SGCD: variants seen among roughly 807,000 people sequenced by gnomAD.
The protein encoded by SGCD is delta-sarcoglycan.
Under a neutral mutation model 36.6 loss-of-function variants are expected in SGCD, and 18 were observed. The observed-to-expected ratio is 0.49, with a 90% CI of 0.34 to 0.73. SGCD has a LOEUF of 0.73. Among genes scored for constraint, SGCD ranks in the 30% least tolerant of loss-of-function variants. The pLI, the probability that SGCD is intolerant of heterozygous loss-of-function variation, is 0.01. For missense variants in SGCD, 387 were observed against 346.7 expected, an observed-to-expected ratio of 1.12 and a Z score of -0.92; for synonymous variants, 133 against 130.6, an observed-to-expected ratio of 1.02 and a Z score of -0.12.
At chr5:155,934,374 G>C (rs975076784) in intron 1 of SGCD, among the ~76,000 whole-genome samples, 1 of 152,192 alleles carries the variant, frequency 6.6e-6, no homozygotes, top group Admixed American at 6.5e-5. Context: ...CCTTTTTAAC[G>C]ATCTTTTTTT....
chr5:156,383,469 A>G (rs188923340), intron 3 of SGCD, among the ~76,000 whole-genome samples: 186 of 152,256 alleles, frequency 1.2e-3, no homozygotes, highest in African/African-American at 4.1e-3. Flanking sequence ...GCGCCACTGC[A>G]TTCCAGCCTG....
intron 3 of SGCD, among the ~76,000 whole-genome samples, chr5:156,246,294 A>G (rs1415100837): frequency 6.6e-6 from 1 of 152,220 alleles, no homozygotes; most frequent in East Asian, 1.9e-4. Context: ...CTGTAGTTCC[A>G]TAAAATCAGC....
intron 3 of SGCD, among the ~76,000 whole-genome samples, chr5:156,256,487 G>C (rs188191101): frequency 6.6e-6 from 1 of 152,216 alleles, no homozygotes; most frequent in Non-Finnish European, 1.5e-5. Context: ...AAAGCATCCA[G>C]TTGTCGCATC....
chr5:156,169,668 C>G (rs1219073811), intron 3 of SGCD, among the ~76,000 whole-genome samples: 1 of 152,082 alleles, frequency 6.6e-6, no homozygotes, highest in African/African-American at 2.4e-5. Flanking sequence ...TATTTCAGAT[C>G]AAGTAAACAG....
At chr5:156,450,886 C>T (rs1554104472) in intron 3 of SGCD, among the ~76,000 whole-genome samples, 4 of 151,746 alleles carry the variant, frequency 2.6e-5, no homozygotes, top group Non-Finnish European at 4.4e-5. Context: ...GTAATATAGA[C>T]ATTATAGAAA....
chr5:156,679,631 C>T (rs879105826), intron 7 of SGCD, among the ~76,000 whole-genome samples: 1 of 152,152 alleles, frequency 6.6e-6, no homozygotes, highest in Admixed American at 6.5e-5. Context: ...TTACATATGG[C>T]TCTGATGTGC....
At chr5:155,888,869 T>C (rs1336312044) in intron 1 of SGCD, among the ~76,000 whole-genome samples, 1 of 152,204 alleles carries the variant, frequency 6.6e-6, no homozygotes, top group African/African-American at 2.4e-5. Context: ...CCTTGATTAT[T>C]CTAATGTCCA....
At chr5:156,542,697 A>G (rs2044188672) in intron 4 of SGCD, among the ~76,000 whole-genome samples, 1 of 152,186 alleles carries the variant, frequency 6.6e-6, no homozygotes, top group Admixed American at 6.6e-5. Context: ...TATGAGCTGC[A>G]CGACCAGCAT....
chr5:156,044,553 G>T (rs996282602), intron 1 of SGCD, among the ~76,000 whole-genome samples: 1 of 152,150 alleles, frequency 6.6e-6, no homozygotes, highest in Non-Finnish European at 1.5e-5. Flanking sequence ...GTATCTGTTA[G>T]TAGCTCTCCC....
intron 4 of SGCD, among the ~76,000 whole-genome samples, chr5:156,571,452 T>C (rs1374343989): frequency 2.0e-5 from 3 of 152,168 alleles, no homozygotes; most frequent in Non-Finnish European, 4.4e-5. Flanking sequence ...ATTTATATTC[T>C]CTCTCTTAGA....
At chr5:155,877,646 C>T (rs1755794535) in intron 1 of SGCD, among the ~76,000 whole-genome samples, 2 of 152,032 alleles carry the variant, frequency 1.3e-5, no homozygotes, top group Admixed American at 1.3e-4. Flanking sequence ...TACATTTTGT[C>T]CCAATGTACT....
chr5:156,155,065 T>G (rs894558168), intron 3 of SGCD, among the ~76,000 whole-genome samples: 1 of 151,700 alleles, frequency 6.6e-6, no homozygotes, highest in Non-Finnish European at 1.5e-5. Flanking sequence ...AATGAGAACA[T>G]GCGACAATAA....
At chr5:156,039,476 G>A (rs1343549516) in intron 1 of SGCD, among the ~76,000 whole-genome samples, 1 of 151,342 alleles carries the variant, frequency 6.6e-6, no homozygotes, top group Non-Finnish European at 1.5e-5. Context: ...ATCTAAGCAT[G>A]TGCTCTTTCT....
chr5:156,372,968 G>C (rs1000215607), intron 3 of SGCD, among the ~76,000 whole-genome samples: 1 of 149,712 alleles, frequency 6.7e-6, no homozygotes, highest in Non-Finnish European at 1.5e-5. Flanking sequence ...CCATAATGAA[G>C]ATGGCATTTC....
At chr5:156,733,721 C>T (rs571492759) in intron 7 of SGCD, among the ~76,000 whole-genome samples, 2 of 152,178 alleles carry the variant, frequency 1.3e-5, no homozygotes, top group African/African-American at 4.8e-5. Context: ...TTAAGTTGAA[C>T]CTTTTACCAT....
intron 3 of SGCD, among the ~76,000 whole-genome samples, chr5:156,212,037 A>G (rs1033866521): frequency 6.6e-6 from 1 of 152,242 alleles, no homozygotes; most frequent in Non-Finnish European, 1.5e-5. Flanking sequence ...GTAAGGAATC[A>G]AAGCTTAACA....
In SGCD at chr5:156,459,685, T is replaced by C. The variant is rs945618946; in HGVS notation, c.193-48916T>C. Reference sequence around the variant, plus strand: ...ATCCATTTAACATACCATCATTGCATTGAAAATTAGAAAAGGCCAATTAGC... The same window carrying C: ...ATCCATTTAACATACCATCATTGCACTGAAAATTAGAAAAGGCCAATTAGC... On this transcript the variant is annotated intron_variant, in intron 3 of 8. Coordinates refer to ENST00000337851, the MANE Select transcript of SGCD (RefSeq NM_000337.6). 4.6e-5 allele frequency among the ~76,000 whole-genome samples: 7 copies of C among 152,212 alleles called. No homozygotes were observed. In the East Asian group the frequency reaches 5.8e-4, roughly 13 times the overall value.
intron 1 of SGCD, among the ~76,000 whole-genome samples, chr5:155,969,683 C>T (rs1165590064): frequency 6.6e-6 from 1 of 152,098 alleles, no homozygotes; most frequent in East Asian, 1.9e-4. Context: ...TTCTAAGCTT[C>T]TTTAGAACAG....
intron 1 of SGCD, among the ~76,000 whole-genome samples, chr5:156,095,976 T>C (rs1761364077): frequency 6.6e-6 from 1 of 152,130 alleles, no homozygotes; most frequent in African/African-American, 2.4e-5. Flanking sequence ...ACATTCTGAG[T>C]TCTGAAGCCC....
Sources: gnomAD v4.1 joint callset for allele counts (sites outside exome capture counted in the v4.1 genomes callset) on GRCh38, gnomAD v4.1.1 for gene constraint, MANE v1.5 for transcripts, NCBI Gene and HGNC (gene_info 2026-07-23, HGNC 2026-07-21) for gene names.